EPB41L4B: variants seen among roughly 807,000 people sequenced by gnomAD.
EPB41L4B encodes the protein erythrocyte membrane protein band 4.1 like 4B.
Under a neutral mutation model 112.5 loss-of-function variants are expected in EPB41L4B, and 30 were observed. The ratio of observed to expected loss-of-function variants is 0.27; its 90% CI spans 0.20 to 0.36. The LOEUF is 0.36. EPB41L4B is among the 10% of genes least tolerant of loss of function. The pLI, the probability that EPB41L4B is intolerant of heterozygous loss-of-function variation, is 1.00. For synonymous variants in EPB41L4B, 408 were observed against 439.7 expected (o/e 0.93, Z 0.90); for missense variants, 1,024 against 1,133.3 (o/e 0.90, Z 1.38).
At position 109,279,884 on chromosome 9, in the gene EPB41L4B, A is replaced by G. The variant is rs1290533041; in HGVS notation, c.344T>C (p.Val115Ala). 10 of 1,614,070 alleles carry G rather than the reference A, an allele frequency of 6.2e-6. No individual in the cohort carries two copies. The highest frequency in any genetic ancestry group is 8.5e-6 in the Non-Finnish European group (10 of 1,180,034). ...AKGQDLFDQIVYHLDLVETDY... is the reference protein window; with the variant it reads ...AKGQDLFDQIAYHLDLVETDY... ...TGTTTCCACAAGGTCCAAGTGGTAC[A>G]CAATCTGATCAAACAAATCCTGGCC... is the stretch of plus-strand genomic sequence containing the variant. The change falls in exon 2 of 26, where the codon GTG becomes GCG. Residue 115 changes from valine to alanine, a missense_variant. By Grantham distance (64) the Val-to-Ala change is moderately conservative. Coordinates refer to ENST00000374566, the MANE Select transcript of EPB41L4B (RefSeq NM_019114.5).
At chr9:109,228,960 T>C (rs1004011698) in intron 15 of EPB41L4B, among the ~76,000 whole-genome samples, 3 of 152,224 alleles carry the variant, frequency 2.0e-5, no homozygotes, top group African/African-American at 2.4e-5. Context: ...CATTTTGAAA[T>C]TGGATTTTCT....
Position 109,182,873 on chromosome 9 carries a change from T to A in EPB41L4B, c.2419-76A>T, listed in dbSNP as rs998925170. On this transcript the variant is annotated intron_variant, in intron 23 of 25. Transcript: ENST00000374566. ...TTTTGCAATCTTTGGCAGCGCACCT[T>A]TAAAATGGAACCAAAGGATTCAGGG... 2.1e-5 allele frequency: 23 copies of A among 1,092,344 alleles called. No homozygotes were observed. The Middle Eastern group carries it at 6.1e-4, about 29-fold the overall frequency. 67.7% of individuals were successfully genotyped at this position (1,092,344 alleles called of 1,614,324 possible).
chr9:109,291,292 A>G (rs759416695), intron 1 of EPB41L4B, among the ~76,000 whole-genome samples: 13 of 152,172 alleles, frequency 8.5e-5, no homozygotes, highest in Non-Finnish European at 1.5e-4. Context: ...TGCAAACAAG[A>G]AATATTTCTT....
At chr9:109,293,956 A>C (rs905406833) in intron 1 of EPB41L4B, among the ~76,000 whole-genome samples, 1 of 152,264 alleles carries the variant, frequency 6.6e-6, no homozygotes, top group South Asian at 2.1e-4. Context: ...CAACTATAAA[A>C]GGTTTTTAAG....
intron 23 of EPB41L4B, 92 bp from the exon 24 acceptor site, chr9:109,182,889 G>T: frequency 1.2e-6 from 1 of 862,830 alleles, no homozygotes; most frequent in South Asian, 1.4e-5. Context: ...TGGAACCAAA[G>T]GATTCAGGGG....
intron 15 of EPB41L4B, among the ~76,000 whole-genome samples, chr9:109,232,022 C>T (rs753297397): frequency 3.3e-5 from 5 of 151,108 alleles, no homozygotes; most frequent in East Asian, 3.9e-4. Context: ...GATGGAATAT[C>T]GCTCTGTTGC....
At chr9:109,178,207 T>C (rs575514138) in intron 24 of EPB41L4B, among the ~76,000 whole-genome samples, 1 of 151,932 alleles carries the variant, frequency 6.6e-6, no homozygotes. Context: ...TGAGCCACCA[T>C]GCTTGGCCAT....
At chr9:109,319,355 G>T (rs1050793511) in intron 1 of EPB41L4B, among the ~76,000 whole-genome samples, 3 of 152,066 alleles carry the variant, frequency 2.0e-5, no homozygotes, top group Non-Finnish European at 4.4e-5. Flanking sequence ...GTGCCCCGCC[G>T]ACCCCACGCA....
At chr9:109,219,914 T>C (rs1359267223) in intron 15 of EPB41L4B, among the ~76,000 whole-genome samples, 1 of 152,096 alleles carries the variant, frequency 6.6e-6, no homozygotes, top group African/African-American at 2.4e-5. Flanking sequence ...AACATCTTTT[T>C]TGGACACAGA....
In EPB41L4B at chr9:109,185,559, G is replaced by C; in HGVS notation, c.2348C>G (p.Pro783Arg). The stretch of plus-strand genomic sequence containing the variant: ...TTCCTTCATGGGGAGAGAGAGTGGA[G>C]GAGAACAGCGAGAGTGGGCACAGTG... ...NPHCAHSRCS[P>R]PLSLPMKEET... The change falls in exon 23 of 26, where the codon CCT becomes CGT. Residue 783 changes from proline (P) to arginine (R), a missense_variant. By Grantham distance (103) the Pro-to-Arg change is moderately radical. Transcript: ENST00000374566. 5 of 1,613,144 alleles carry C rather than the reference G, an allele frequency of 3.1e-6. 1 individual carries two copies. The South Asian group carries it at 5.5e-5, about 18-fold the overall frequency.
At chr9:109,305,979 G>A (rs931186558) in intron 1 of EPB41L4B, among the ~76,000 whole-genome samples, 2 of 152,074 alleles carry the variant, frequency 1.3e-5, no homozygotes, top group African/African-American at 4.8e-5. Context: ...AGATACACAG[G>A]TGAGAAGTGA....
At chr9:109,261,956 G>A (rs1338553364) in intron 6 of EPB41L4B, among the ~76,000 whole-genome samples, 1 of 152,128 alleles carries the variant, frequency 6.6e-6, no homozygotes, top group Non-Finnish European at 1.5e-5. Flanking sequence ...TGAACATGCT[G>A]GCAAATGAGT....
intron 23 of EPB41L4B, among the ~76,000 whole-genome samples, chr9:109,184,940 G>T (rs1276902263): frequency 6.6e-6 from 1 of 152,180 alleles, no homozygotes; most frequent in Non-Finnish European, 1.5e-5. Flanking sequence ...AGCATTAAGT[G>T]AAAAGAGGAA....
chr9:109,210,706 G>A (rs1833135648), intron 17 of EPB41L4B, among the ~76,000 whole-genome samples: 1 of 152,180 alleles, frequency 6.6e-6, no homozygotes. Context: ...GTCGTCATAT[G>A]AATTTGTATA....
intron 18 of EPB41L4B, among the ~76,000 whole-genome samples, chr9:109,205,083 C>T (rs570945496): frequency 6.6e-6 from 1 of 152,172 alleles, no homozygotes; most frequent in Non-Finnish European, 1.5e-5. Flanking sequence ...GTAAAACAGG[C>T]TTCTTTCCTG....
chr9:109,269,785 C>G (rs538764037), intron 2 of EPB41L4B, among the ~76,000 whole-genome samples: 1 of 152,248 alleles, frequency 6.6e-6, no homozygotes, highest in African/African-American at 2.4e-5. Flanking sequence ...TGCTGACTGC[C>G]AATGGGCTTT....
chr9:109,320,235 G>C lies in EPB41L4B; in HGVS notation c.212C>G (p.Ala71Gly), dbSNP rs1228619188. ...AGGGPLLTGGAAVHISAAGAA... is the reference protein window; with the variant it reads ...AGGGPLLTGGGAVHISAAGAA... Reference sequence around the variant, plus strand: ...GCCGGCGGCGGAGATGTGCACGGCCGCGCCGCCGGTGAGCAGGGGCCCGCC... The same window carrying C: ...GCCGGCGGCGGAGATGTGCACGGCCCCGCCGCCGGTGAGCAGGGGCCCGCC... The change falls in exon 1 of 26, where the codon GCG becomes GGG. Residue 71 changes from alanine (A) to glycine (G), a missense_variant. Coordinates refer to ENST00000374566, the MANE Select transcript of EPB41L4B (RefSeq NM_019114.5). 6 of 1,291,026 alleles carry C rather than the reference G, an allele frequency of 4.6e-6. No individual in the cohort carries two copies. In the East Asian group the frequency reaches 1.9e-4, roughly 41 times the overall value. 80.0% of individuals were successfully genotyped at this position (1,291,026 alleles called of 1,614,324 possible). A position where few individuals can be genotyped will look rare whatever the true frequency, so the allele number is the denominator to read the frequency against.
chr9:109,202,009 C>T (rs919486584), intron 19 of EPB41L4B, among the ~76,000 whole-genome samples: 1 of 151,984 alleles, frequency 6.6e-6, no homozygotes, highest in Non-Finnish European at 1.5e-5. Flanking sequence ...AATGAGGGCT[C>T]AAGGTATAGA....
chr9:109,204,703 C>T (rs1486829301), intron 18 of EPB41L4B, among the ~76,000 whole-genome samples: 2 of 152,064 alleles, frequency 1.3e-5, no homozygotes, highest in Non-Finnish European at 2.9e-5. Context: ...TGCCATGTTG[C>T]CCAGGCTGGT....
Sources: allele counts gnomAD v4.1 joint callset (sites outside exome capture counted in the v4.1 genomes callset), GRCh38; gene constraint gnomAD v4.1.1; transcripts MANE v1.5; gene names NCBI Gene and HGNC (gene_info 2026-07-23, HGNC 2026-07-21).